The following DCX variants were observed in gnomAD, a reference collection of about 807,000 sequenced individuals.
DCX encodes the protein doublecortin, also known as neuronal migration protein doublecortin.
Under a neutral mutation model 20.9 loss-of-function variants are expected in DCX, and 4 were observed. The observed-to-expected ratio is 0.19, with a 90% confidence interval of 0.09 to 0.44. The LOEUF (loss-of-function observed/expected upper bound fraction) is 0.44, where lower values mean the gene tolerates loss of function less well. Among genes scored for constraint, DCX ranks in the 20% least tolerant of loss-of-function variants. DCX has a pLI of 0.99. For missense variants in DCX, 133 were observed against 296.9 expected, an observed-to-expected ratio of 0.45 and a Z score of 4.06; for synonymous variants, 103 against 111.4, an observed-to-expected ratio of 0.92 and a Z score of 0.47.
intron 5 of DCX, among the ~76,000 whole-genome samples, chrX:111,325,709 A>G (rs2095098271): frequency 8.9e-6 from 1 of 112,398 alleles, no homozygotes; most frequent in Non-Finnish European, 1.9e-5. Flanking sequence ...TTGTAAGTGT[A>G]AAATACAACT....
chrX:111,327,462 T>C (rs2095102112), intron 5 of DCX, among the ~76,000 whole-genome samples: 1 of 112,583 alleles, frequency 8.9e-6, no homozygotes, highest in South Asian at 3.7e-4. Flanking sequence ...ATATGAAAAG[T>C]ATGCACTGTC....
intron 5 of DCX, among the ~76,000 whole-genome samples, chrX:111,316,091 A>T (rs867638079): frequency 0.014 from 1,353 of 96,503 alleles, 70 homozygotes; most frequent in African/African-American, 0.055. Flanking sequence ...AAAAATAAAA[A>T]AAAAAAAAAA....
intron 3 of DCX, among the ~76,000 whole-genome samples, chrX:111,394,186 C>T (rs1243305004): frequency 8.9e-6 from 1 of 111,877 alleles, no homozygotes; most frequent in Admixed American, 9.5e-5. Context: ...CCAATATATG[C>T]TACAACATGG....
At chrX:111,314,771 G>A (rs1368995956) in intron 5 of DCX, among the ~76,000 whole-genome samples, 1 of 111,789 alleles carries the variant, frequency 8.9e-6, no homozygotes. Flanking sequence ...ACAACACATA[G>A]GCAGAGAGGA....
intron 3 of DCX, among the ~76,000 whole-genome samples, chrX:111,359,315 A>G (rs1341500444): frequency 8.9e-6 from 1 of 111,907 alleles, no homozygotes; most frequent in Non-Finnish European, 1.9e-5. Flanking sequence ...GTGGAGAAAC[A>G]ATTATTTTAT....
chrX:111,342,340 TA>T lies in DCX; in HGVS notation c.706-9188del, dbSNP rs1300518626. ...CAATTCAACAAGAAGAGCTAACTAT[TA>T]TATATATATATATATATATATATAT... is the stretch of plus-strand genomic sequence containing the variant. On this transcript the variant is annotated intron_variant, in intron 3 of 6. Coordinates refer to ENST00000636035, the MANE Select transcript of DCX (RefSeq NM_001195553.2). 2.9e-3 allele frequency among the ~76,000 whole-genome samples: 13 copies of T among 4,542 alleles called. No homozygotes were observed. In the African/African-American group the frequency reaches 0.036, roughly 13 times the overall value. 3.9% of individuals were successfully genotyped at this position (4,542 alleles called of 115,157 possible).
chrX:111,406,678 A>C (rs1309097310), intron 2 of DCX, among the ~76,000 whole-genome samples: 1 of 112,570 alleles, frequency 8.9e-6, no homozygotes, highest in Non-Finnish European at 1.9e-5. Context: ...TCTAAGTCAA[A>C]GAAGCACAAA....
At chrX:111,316,727 C>T (rs2095073600) in intron 5 of DCX, among the ~76,000 whole-genome samples, 1 of 111,614 alleles carries the variant, frequency 9.0e-6, no homozygotes, top group South Asian at 3.8e-4. Flanking sequence ...TCAGCAAAGT[C>T]TCAGGATACA....
In DCX at chrX:111,396,125, T is replaced by A. The variant is rs1927296513; in HGVS notation, c.705+4865A>T. On this transcript the variant is annotated intron_variant, in intron 3 of 6. Coordinates refer to ENST00000636035, the MANE Select transcript of DCX (RefSeq NM_001195553.2). ...TCTTTCCTAGAATACTAAGCAGCAA[T>A]TGAAACATCCCTCATGCTCTCATCT... Among the ~76,000 whole-genome samples the A allele has an allele frequency of 2.7e-5, 3 of 112,098 alleles. No homozygotes were observed. The South Asian group carries it at 1.1e-3, about 42-fold the overall frequency.
At chrX:111,376,710 A>T (rs1304473955) in intron 3 of DCX, among the ~76,000 whole-genome samples, 1 of 111,724 alleles carries the variant, frequency 9.0e-6, no homozygotes, top group Non-Finnish European at 1.9e-5. Context: ...GAAGCCTGAC[A>T]ATCTGCATTT....
At chrX:111,353,320 T>C (rs977983194) in intron 3 of DCX, among the ~76,000 whole-genome samples, 1 of 112,039 alleles carries the variant, frequency 8.9e-6, no homozygotes, top group African/African-American at 3.2e-5. Context: ...AATACTACTT[T>C]GAGTGCTTCA....
chrX:111,349,641 A>G (rs1385513620), intron 3 of DCX, among the ~76,000 whole-genome samples: 1 of 111,829 alleles, frequency 8.9e-6, no homozygotes, highest in Admixed American at 9.5e-5. Context: ...GTTACTTAGG[A>G]GCTGACCTCA....
intron 3 of DCX, among the ~76,000 whole-genome samples, chrX:111,386,848 A>G (rs902156185): frequency 1.8e-5 from 2 of 111,439 alleles, no homozygotes; most frequent in Non-Finnish European, 3.8e-5. Context: ...TCATTCCCAG[A>G]AGCCTCTCCT....
chrX:111,324,496 G>A (rs1481882020), intron 5 of DCX, among the ~76,000 whole-genome samples: 1 of 111,727 alleles, frequency 9.0e-6, no homozygotes, highest in Non-Finnish European at 1.9e-5. Flanking sequence ...GAGTCAGATT[G>A]CTTGGGTTTA....
At position 111,352,567 on chromosome X, in the gene DCX, C is replaced by T. The variant is rs762727787; in HGVS notation, c.706-19414G>A. Among the ~76,000 whole-genome samples the T allele has an allele frequency of 2.7e-5, 3 of 112,026 alleles. No homozygotes were observed. In the East Asian group the frequency reaches 8.4e-4, roughly 31 times the overall value. On this transcript the variant is annotated intron_variant, in intron 3 of 6. Transcript: ENST00000636035. ...GGTTAATGACTCAGCCTGCCTAGAC[C>T]TCTGGTTTTTGCAAGCTGTTCTAGT...
chrX:111,373,109 G>A (rs774000352), intron 3 of DCX, among the ~76,000 whole-genome samples: 164 of 111,226 alleles, frequency 1.5e-3, no homozygotes, highest in Non-Finnish European at 2.7e-3. Context: ...TTTTCTGTTA[G>A]GGAAGTCAAT....
At chrX:111,349,325 C>T (rs763832502) in intron 3 of DCX, among the ~76,000 whole-genome samples, 7 of 111,546 alleles carry the variant, frequency 6.3e-5, no homozygotes, top group African/African-American at 2.3e-4. Context: ...ACCCCCCTTC[C>T]CAGGCTTCCT....
At chrX:111,382,033 A>G (rs1204029147) in intron 3 of DCX, among the ~76,000 whole-genome samples, 1 of 111,691 alleles carries the variant, frequency 9.0e-6, no homozygotes, top group Non-Finnish European at 1.9e-5. Context: ...ATTACTGGCA[A>G]AGATTGTTGA....
intron 3 of DCX, among the ~76,000 whole-genome samples, chrX:111,372,795 T>G (rs761983862): frequency 1.8e-5 from 2 of 111,841 alleles, no homozygotes; most frequent in South Asian, 7.5e-4. Context: ...AAAATCAATT[T>G]CAAAGTTTTG....
Sources: gnomAD v4.1 joint callset for allele counts (sites outside exome capture counted in the v4.1 genomes callset) on GRCh38, gnomAD v4.1.1 for gene constraint, MANE v1.5 for transcripts, NCBI Gene and HGNC (gene_info 2026-07-23, HGNC 2026-07-21) for gene names.